The following ZFAT variants were observed in gnomAD, a reference collection of about 807,000 sequenced individuals.
ZFAT encodes zinc finger and AT-hook domain containing.
A neutral mutation model predicts 117.7 loss-of-function variants in ZFAT; 64 were observed. The observed-to-expected ratio is 0.54, with a 90% CI of 0.44 to 0.67. The LOEUF is 0.67. Among genes scored for constraint, ZFAT ranks in the 30% least tolerant of loss-of-function variants. The pLI is 0.00. For missense variants in ZFAT, 1,433 were observed against 1,584.5 expected (o/e 0.90, Z 1.62); for synonymous variants, 679 against 615.0 (o/e 1.10, Z -1.54).
chr8:134,533,917 C>T (rs1821622602), intron 11 of ZFAT, among the ~76,000 whole-genome samples: 1 of 152,210 alleles, frequency 6.6e-6, no homozygotes, highest in African/African-American at 2.4e-5. Flanking sequence ...TGCCAGCATG[C>T]CCCTGTAATC....
At chr8:134,566,712 T>TC (rs1363587170) in intron 10 of ZFAT, among the ~76,000 whole-genome samples, 7 of 152,102 alleles carry the variant, frequency 4.6e-5, no homozygotes, top group Admixed American at 4.6e-4. Context: ...TCTTAGATAT[T>TC]CCCCCTCCCC....
At chr8:134,628,428 T>G (rs1215615728) in intron 3 of ZFAT, among the ~76,000 whole-genome samples, 1 of 152,098 alleles carries the variant, frequency 6.6e-6, no homozygotes. Context: ...CTTAAGGCGC[T>G]TAGGCTGTCC....
intron 2 of ZFAT, among the ~76,000 whole-genome samples, chr8:134,649,805 T>G (rs930114621): frequency 5.3e-5 from 8 of 152,200 alleles, no homozygotes; most frequent in African/African-American, 1.9e-4. Flanking sequence ...TGATACAGCT[T>G]GGCTCTGTGT....
chr8:134,654,490 G>C (rs1831471950), intron 2 of ZFAT, among the ~76,000 whole-genome samples: 1 of 152,192 alleles, frequency 6.6e-6, no homozygotes, highest in Admixed American at 6.5e-5. Context: ...CAGGGGCCTA[G>C]AGGACCTCCA....
At chr8:134,741,208 G>A in the ZFAT span, among the ~76,000 whole-genome samples, 5 of 151,524 alleles carry the variant, frequency 3.3e-5, no homozygotes, top group South Asian at 4.2e-4. Context: ...TCCCCATCTC[G>A]CCCCCACCCC....
chr8:134,638,645 C>CATAAT (rs1830398236), intron 2 of ZFAT, among the ~76,000 whole-genome samples: 1 of 150,140 alleles, frequency 6.7e-6, no homozygotes, highest in African/African-American at 2.5e-5. Flanking sequence ...AGGAGAATGG[C>CATAAT]GTGAACTGGG....
intron 11 of ZFAT, among the ~76,000 whole-genome samples, chr8:134,537,002 A>G (rs1366556214): frequency 1.3e-5 from 2 of 152,256 alleles, no homozygotes; most frequent in Non-Finnish European, 2.9e-5. Context: ...GGAGCCCATT[A>G]GCATAGCTAT....
chr8:134,696,361 G>A (rs531446053), intron 1 of ZFAT: 23 of 984,946 alleles, frequency 2.3e-5, no homozygotes, highest in African/African-American at 3.5e-5. Flanking sequence ...GAGAACAGCC[G>A]AGACACCTCT....
chr8:134,712,772 C>T, intron 1 of ZFAT, 73 bp downstream of exon 1: 1 of 1,414,496 alleles, frequency 7.1e-7, no homozygotes, highest in South Asian at 1.3e-5. Flanking sequence ...ACTCGACGCT[C>T]GAAACGGCTT....
At chr8:134,679,733 T>C (rs1832974858) in intron 1 of ZFAT, among the ~76,000 whole-genome samples, 1 of 152,136 alleles carries the variant, frequency 6.6e-6, no homozygotes, top group African/African-American at 2.4e-5. Context: ...GTGGCACATA[T>C]ACACCATGGA....
intron 15 of ZFAT, among the ~76,000 whole-genome samples, chr8:134,508,527 C>A (rs953946747): frequency 1.3e-5 from 2 of 152,168 alleles, no homozygotes; most frequent in South Asian, 2.1e-4. Context: ...CAGGTCTCTC[C>A]TCGGATGTCA....
At chr8:134,803,857 T>A in the ZFAT span, among the ~76,000 whole-genome samples, 6 of 152,034 alleles carry the variant, frequency 3.9e-5, no homozygotes, top group Non-Finnish European at 8.8e-5. Flanking sequence ...TCAAAGAAAA[T>A]AAGCATGTAA....
At chr8:134,672,606 A>T (rs1161690913) in intron 1 of ZFAT, among the ~76,000 whole-genome samples, 1 of 152,234 alleles carries the variant, frequency 6.6e-6, no homozygotes, top group Non-Finnish European at 1.5e-5. Flanking sequence ...CAAATCTCTG[A>T]AAACTAAAGA....
the ZFAT span, among the ~76,000 whole-genome samples, chr8:134,791,231 A>G: frequency 2.0e-5 from 3 of 152,290 alleles, no homozygotes; most frequent in African/African-American, 4.8e-5. Context: ...TCTCCACCCT[A>G]AAGTCTTGGG....
chr8:134,746,952 A>C, the ZFAT span, among the ~76,000 whole-genome samples: 1 of 152,214 alleles, frequency 6.6e-6, no homozygotes, highest in African/African-American at 2.4e-5. Flanking sequence ...ATGATAAATA[A>C]TTTTCCCTAG....
chr8:134,691,180 C>T (rs1236654684), intron 1 of ZFAT, among the ~76,000 whole-genome samples: 1 of 152,164 alleles, frequency 6.6e-6, no homozygotes, highest in African/African-American at 2.4e-5. Flanking sequence ...AAAGGCTGCC[C>T]CCCTTTTCCC....
the ZFAT span, chr8:134,794,958 C>A: frequency 6.6e-6 from 1 of 152,174 alleles, no homozygotes; most frequent in Non-Finnish European, 1.5e-5. Flanking sequence ...GTCCTCCTAA[C>A]AACCTGATAG....
intron 15 of ZFAT, among the ~76,000 whole-genome samples, chr8:134,491,967 T>C (rs1011829635): frequency 1.2e-4 from 18 of 152,238 alleles, no homozygotes; most frequent in African/African-American, 4.3e-4. Context: ...TTAATAACTT[T>C]CCATTTACTT....
In ZFAT at chr8:134,702,743, C is replaced by T. The variant is rs186675318; in HGVS notation, c.19+10102G>A. Among the ~76,000 whole-genome samples the T allele has an allele frequency of 2.0e-5, 3 of 151,568 alleles. No individual in the cohort carries two copies. The East Asian group carries it at 5.8e-4, about 29-fold the overall frequency. ...CTGGAGTACAGTGGCGCGATCTCGG[C>T]TCACTGCAAGCTCCGCCTTCCGGGT... On this transcript the variant is annotated intron_variant, in intron 1 of 15. Coordinates refer to ENST00000377838, the MANE Select transcript of ZFAT (RefSeq NM_020863.4).
Sources: allele counts gnomAD v4.1 joint callset (sites outside exome capture counted in the v4.1 genomes callset), GRCh38; gene constraint gnomAD v4.1.1; transcripts MANE v1.5; gene names NCBI Gene and HGNC (gene_info 2026-07-23, HGNC 2026-07-21).